Variants in DONSON observed in about 807,000 individuals in gnomAD.
DONSON encodes DNA replication fork stabilization factor DONSON.
Under a neutral mutation model 62.1 loss-of-function variants are expected in DONSON, and 43 were observed. The observed-to-expected ratio is 0.69, with a 90% confidence interval of 0.54 to 0.89. The LOEUF is 0.89. DONSON is among the 40% of genes least tolerant of loss of function. The pLI, the probability that DONSON is intolerant of heterozygous loss-of-function variation, is 0.00. For missense variants in DONSON, 696 were observed against 697.5 expected (o/e 1.00, Z 0.03); for synonymous variants, 266 against 264.6 (o/e 1.01, Z -0.05).
At chr21:33,583,198 CTCAAAA>C (rs1411479471) in intron 5 of DONSON, among the ~76,000 whole-genome samples, 19 of 21,708 alleles carry the variant, frequency 8.8e-4, no homozygotes, top group African/African-American at 7.5e-3. Flanking sequence ...GAGTCTCCAT[CTCAAAA>C]AAAAAAAAAA....
intron 8 of DONSON, 127 bp downstream of exon 8, chr21:33,581,174 TA>T: frequency 2.4e-6 from 2 of 834,184 alleles, no homozygotes; most frequent in Non-Finnish European, 1.8e-6. Flanking sequence ...TTTCTTTTTT[TA>T]ATGGGAGGAA....
Position 33,578,245 on chromosome 21 carries a change from CTT to C in DONSON, c.*60_*61del, listed in dbSNP as rs977395713. Reference sequence around the variant, plus strand: ...AGTATATTCCTTCAACTTCAAGAATCTTGAATTTCCTTGCTAGAAGGCTTTTT... The same window carrying C: ...AGTATATTCCTTCAACTTCAAGAATCGAATTTCCTTGCTAGAAGGCTTTTT... On this transcript the variant is annotated 3_prime_UTR_variant, in exon 10 of 10. Coordinates refer to ENST00000303071, the MANE Select transcript of DONSON (RefSeq NM_017613.4). The C allele has an allele frequency of 1.9e-6, 3 of 1,545,694 alleles. No homozygotes were observed. In the African/African-American group the frequency reaches 4.1e-5, roughly 21 times the overall value.
In DONSON at chr21:33,577,652, C is replaced by T. The variant is rs957870843; in HGVS notation, c.*655G>A. On this transcript the variant is annotated 3_prime_UTR_variant, in exon 10 of 10. Transcript: ENST00000303071. ...ACACACACACACACACACACACACA[C>T]ACACACACACACACACACACACACA... The T allele has an allele frequency of 5.6e-3, 498 of 89,310 alleles. 9 individuals are homozygous for T. The highest frequency in any genetic ancestry group is 0.012 in the Middle Eastern group (2 of 164). The allele number at this position is 89,310 out of a possible 1,614,324, so 5.5% of individuals were successfully genotyped here. A position where few individuals can be genotyped will look rare whatever the true frequency, so the allele number is the denominator to read the frequency against.
rs1057365152 is a variant in DONSON, at chr21:33,586,082, A to C, written c.502T>G (p.Ser168Ala). Residue 168 changes from serine to alanine, a missense_variant, in exon 3 of 10, where the codon TCT (serine) becomes GCT (alanine). Coordinates refer to ENST00000303071, the MANE Select transcript of DONSON (RefSeq NM_017613.4). ...TGATCTGCCCAGGTAAAGGGTTGAGAAGAGGTGAAAAGGAGTCGCGTTTTA... is the reference window on the plus strand; with the variant it reads ...TGATCTGCCCAGGTAAAGGGTTGAGCAGAGGTGAAAAGGAGTCGCGTTTTA... Reference protein sequence around the residue: ...SIKTRLLFTSSQPFTWADHLK... With the variant: ...SIKTRLLFTSAQPFTWADHLK... 5.0e-6 allele frequency: 8 copies of C among 1,614,184 alleles called. No homozygotes were observed. Among genetic ancestry groups the C allele is most frequent in the Non-Finnish European group, 5.9e-6 (7 of 1,180,028 alleles).
At chr21:33,584,014 TTATATATATATATATATA>T (rs57309977) in intron 4 of DONSON, among the ~76,000 whole-genome samples, 4 of 121,570 alleles carry the variant, frequency 3.3e-5, no homozygotes, top group Admixed American at 9.2e-5. Flanking sequence ...GGCTGCGTGT[TTATATATATATATATATA>T]TATATATATA....
At chr21:33,585,555 T>C (rs1392807169) in intron 3 of DONSON, among the ~76,000 whole-genome samples, 2 of 151,972 alleles carry the variant, frequency 1.3e-5, no homozygotes, top group Non-Finnish European at 2.9e-5. Context: ...AAAATGTATA[T>C]CTCTAAAACC....
intron 1 of DONSON, 121 bp downstream of exon 1, chr21:33,588,200 G>A: frequency 1.2e-6 from 1 of 845,126 alleles, no homozygotes; most frequent in Middle Eastern, 4.2e-4. Context: ...GGCCACGGGC[G>A]GCCGAAGTCT....
chr21:33,581,149 CTTATAT>C (rs2086505123), intron 8 of DONSON, 147 bp downstream of exon 8: 5 of 628,388 alleles, frequency 8.0e-6, no homozygotes, highest in African/African-American at 5.5e-5. Context: ...ATATAACTGT[CTTATAT>C]AATTTTTGTT....
intron 3 of DONSON, among the ~76,000 whole-genome samples, chr21:33,585,427 T>C (rs2086566779): frequency 2.2e-5 from 3 of 136,930 alleles, no homozygotes; most frequent in Non-Finnish European, 4.6e-5. Context: ...GGGGTCTCAC[T>C]ACGTTACTCA....
intron 7 of DONSON, 65 bp from the exon 8 acceptor site, chr21:33,581,565 G>C: frequency 7.3e-7 from 1 of 1,378,212 alleles, no homozygotes; most frequent in Non-Finnish European, 1.0e-6. Flanking sequence ...CAGTTATCTT[G>C]ATTCTGAATC....
intron 2 of DONSON, chr21:33,587,244 TA>T: frequency 1.8e-6 from 1 of 557,472 alleles, no homozygotes; most frequent in Non-Finnish European, 2.3e-6. Flanking sequence ...AGAAGAGTGG[TA>T]AAAACTGTTA....
chr21:33,582,878 G>A lies in DONSON; in HGVS notation c.964+610C>T, dbSNP rs556719160. ...GAATCCTACTGTGAACTGTGCATGT[G>A]AGGCATCTAGGTTGTGCCCTCCTTA... On this transcript the variant is annotated intron_variant, in intron 5 of 9. Coordinates refer to ENST00000303071, the MANE Select transcript of DONSON (RefSeq NM_017613.4). 1.0e-3 allele frequency among the ~76,000 whole-genome samples: 158 copies of A among 152,210 alleles called. 1 individual carries two copies. The highest frequency in any genetic ancestry group is 3.7e-3 in the African/African-American group (153 of 41,528).
chr21:33,578,901 C>T (rs548588662), intron 9 of DONSON, among the ~76,000 whole-genome samples: 83 of 152,276 alleles, frequency 5.5e-4, no homozygotes, highest in African/African-American at 2.0e-3. Flanking sequence ...TTTTGGGAGG[C>T]CAAGGTGGGC....
Position 33,588,681 on chromosome 21 carries a change from A to G in DONSON, c.-40T>C. ...GAGGGTAGCCGGCCGCCCTACAGAG[A>G]CTTCCCGCGCGCGCCGGGCCCGCCC... On this transcript the variant is annotated 5_prime_UTR_variant, in exon 1 of 10. Coordinates refer to ENST00000303071, the MANE Select transcript of DONSON (RefSeq NM_017613.4). 1.6e-6 allele frequency: 2 copies of G among 1,222,426 alleles called. No individual in the cohort carries two copies. Among genetic ancestry groups the G allele is most frequent in the East Asian group, 6.5e-5 (2 of 30,848 alleles). The allele number at this position is 1,222,426 out of a possible 1,614,324, so 75.7% of individuals were successfully genotyped here.
intron 8 of DONSON, among the ~76,000 whole-genome samples, chr21:33,580,263 AAT>A (rs2086490520): frequency 6.7e-6 from 1 of 149,308 alleles, no homozygotes; most frequent in Non-Finnish European, 1.5e-5. Context: ...TGAATGAATG[AAT>A]GAATGCAGGG....
In DONSON at chr21:33,577,570, T is replaced by C. The variant is rs2086430758; in HGVS notation, c.*737A>G. Reference sequence around the variant, plus strand: ...CAATGCTTTTGATTTTTAAGCACTTTTATTTTAAAAATGTGAATTATACAG... The same window carrying C: ...CAATGCTTTTGATTTTTAAGCACTTCTATTTTAAAAATGTGAATTATACAG... On this transcript the variant is annotated 3_prime_UTR_variant, in exon 10 of 10. Coordinates refer to ENST00000303071, the MANE Select transcript of DONSON (RefSeq NM_017613.4). 2 of 151,096 alleles carry C rather than the reference T, an allele frequency of 1.3e-5. No individual in the cohort carries two copies. The highest frequency in any genetic ancestry group is 4.2e-4 in the South Asian group (2 of 4,778). 9.4% of individuals were successfully genotyped at this position (151,096 alleles called of 1,614,324 possible).
intron 2 of DONSON, 149 bp from the exon 3 acceptor site, chr21:33,586,330 A>G (rs560220669): frequency 1.4e-6 from 1 of 710,004 alleles, no homozygotes; most frequent in South Asian, 1.9e-5. Context: ...ACACTGTAAA[A>G]AAGTCTGAAA....
chr21:33,585,890 T>C, intron 3 of DONSON, 88 bp downstream of exon 3: 1 of 1,268,158 alleles, frequency 7.9e-7, no homozygotes, highest in Non-Finnish European at 1.1e-6. Context: ...AAAAACTTAA[T>C]GGAAGGCAGC....
chr21:33,582,432 C>T (rs985260707), intron 5 of DONSON, among the ~76,000 whole-genome samples, 186 bp from the exon 6 acceptor site: 1 of 151,990 alleles, frequency 6.6e-6, no homozygotes, highest in Non-Finnish European at 1.5e-5. Context: ...GAAAGAGGTT[C>T]GGGAAACAAC....
Sources: gnomAD v4.1 joint callset for allele counts (sites outside exome capture counted in the v4.1 genomes callset) on GRCh38, gnomAD v4.1.1 for gene constraint, MANE v1.5 for transcripts, NCBI Gene and HGNC (gene_info 2026-07-23, HGNC 2026-07-21) for gene names.